Variants in SMARCB1 observed in about 807,000 individuals in gnomAD.
The protein encoded by SMARCB1 is SWI/SNF related BAF chromatin remodeling complex subunit B1, also known as SWI/SNF-related matrix-associated actin-dependent regulator of chromatin subfamily B member 1.
In SMARCB1, 5 loss-of-function variants were observed where a neutral mutation model predicts 49.0. The ratio of observed to expected loss-of-function variants is 0.10; its 90% CI spans 0.05 to 0.21. The LOEUF is 0.21. Among genes scored for constraint, SMARCB1 ranks in the 10% least tolerant of loss-of-function variants. The probability of loss-of-function intolerance (pLI) is 1.00; values close to 1 mark genes in which losing one functional copy is unlikely to be tolerated. For synonymous variants in SMARCB1, 201 were observed against 200.1 expected, an observed-to-expected ratio of 1.00 and a Z score of -0.04; for missense variants, 226 against 509.2, an observed-to-expected ratio of 0.44 and a Z score of 5.35.
At chr22:23,820,190 C>A (rs1439524345) in intron 6 of SMARCB1, among the ~76,000 whole-genome samples, 1 of 151,722 alleles carries the variant, frequency 6.6e-6, no homozygotes, top group Non-Finnish European at 1.5e-5. Context: ...CTGTAGTTTT[C>A]CTTTCTTGTA....
chr22:23,832,486 G>A (rs945926012), intron 7 of SMARCB1, among the ~76,000 whole-genome samples: 2 of 152,156 alleles, frequency 1.3e-5, no homozygotes, highest in African/African-American at 4.8e-5. Flanking sequence ...CCAGGGGACT[G>A]AGCCTAGGGA....
rs35782584 is a variant in SMARCB1, at chr22:23,801,197, C to T, written c.500+116C>T. ...TGCTTTGACCTTGTGCTCCCCACAA[C>T]GCCACAGTACCTCCTCGCCTTTGAA... On this transcript the variant is annotated intron_variant, in intron 4 of 8. Coordinates refer to ENST00000644036, the MANE Select transcript of SMARCB1 (RefSeq NM_003073.5). 2,028 of 1,396,810 alleles carry T rather than the reference C, an allele frequency of 1.5e-3. 23 individuals carry two copies. The African/African-American group carries it at 0.023, about 16-fold the overall frequency. 86.5% of individuals were successfully genotyped at this position (1,396,810 alleles called of 1,614,324 possible). A position where few individuals can be genotyped will look rare whatever the true frequency, so the allele number is the denominator to read the frequency against.
rs949785626 is a variant in SMARCB1 at position 23,834,588 on chromosome 22, G to C, written c.*408G>C. ...AGCCAGGAGTGGGGCCGGGGCCTGG[G>C]GGGACGAAGGTGGTATGTGAACAAG... is the stretch of plus-strand genomic sequence containing the variant. On this transcript the variant is annotated 3_prime_UTR_variant, in exon 9 of 9. Coordinates refer to ENST00000644036, the MANE Select transcript of SMARCB1 (RefSeq NM_003073.5). 130 of 710,390 alleles carry C rather than the reference G, an allele frequency of 1.8e-4. No individual in the cohort carries two copies. Among genetic ancestry groups the C allele is most frequent in the Non-Finnish European group, 2.3e-5 (9 of 396,642 alleles). 44.0% of individuals were successfully genotyped at this position (710,390 alleles called of 1,614,324 possible).
In SMARCB1 at chr22:23,834,354, G is replaced by A; in HGVS notation, c.*174G>A. On this transcript the variant is annotated 3_prime_UTR_variant, in exon 9 of 9. Transcript: ENST00000644036. ...TCCCGGCACACATTCCATTTGTTGA[G>A]CCCCAGTCCTGCCCCCCACCCCACC... 2.7e-6 allele frequency: 2 copies of A among 741,280 alleles called. No individual in the cohort carries two copies. The highest frequency in any genetic ancestry group is 2.7e-5 in the East Asian group (1 of 37,252). The allele number at this position is 741,280 out of a possible 1,614,324, so 45.9% of individuals were successfully genotyped here.
chr22:23,801,397 A>G (rs569352539), intron 4 of SMARCB1: 1 of 654,190 alleles, frequency 1.5e-6, no homozygotes, highest in East Asian at 3.0e-5. Context: ...AGCCAGTCTG[A>G]TGGTGCAGAT....
chr22:23,803,460 C>T (rs1242858558), intron 5 of SMARCB1, 38 bp downstream of exon 5: 3 of 1,612,448 alleles, frequency 1.9e-6, no homozygotes, highest in African/African-American at 2.7e-5. Context: ...CTGGCCCCAA[C>T]CCCTGTGTGT....
In SMARCB1 at chr22:23,828,147, G is replaced by T. The variant is rs182669634; in HGVS notation, c.986+2732G>T. 3.3e-3 allele frequency among the ~76,000 whole-genome samples: 503 copies of T among 152,254 alleles called. 1 individual carries two copies. Among genetic ancestry groups the T allele is most frequent in the African/African-American group, 0.012 (481 of 41,566 alleles). ...GGCTCACTGCAAGCTCTGCCTCCTG[G>T]GTTCACGCCATTCTCCTGCCTCAGG... On this transcript the variant is annotated intron_variant, in intron 7 of 8. Transcript: ENST00000644036.
At chr22:23,816,650 C>A in intron 5 of SMARCB1, 120 bp from the exon 6 acceptor site, 1 of 962,070 alleles carries the variant, frequency 1.0e-6, no homozygotes, top group Non-Finnish European at 1.7e-6. Flanking sequence ...CCCCCAGTGC[C>A]CTGGTTGTCC....
At position 23,834,999 on chromosome 22, in the gene SMARCB1, T is replaced by C; in HGVS notation, c.*819T>C. 1 of 1,473,520 alleles carries C rather than the reference T, an allele frequency of 6.8e-7. No homozygotes were observed. The highest frequency in any genetic ancestry group is 9.0e-7 in the Non-Finnish European group (1 of 1,114,224). The allele number at this position is 1,473,520 out of a possible 1,614,324, so 91.3% of individuals were successfully genotyped here. ...GCCAGCCTGGGTGCAGGAGGGCTGTTCTAGCTCCAGTGGCACCCATAGCCA... is the reference window on the plus strand; with the variant it reads ...GCCAGCCTGGGTGCAGGAGGGCTGTCCTAGCTCCAGTGGCACCCATAGCCA... On this transcript the variant is annotated 3_prime_UTR_variant, in exon 9 of 9. Coordinates refer to ENST00000644036, the MANE Select transcript of SMARCB1 (RefSeq NM_003073.5).
chr22:23,825,171 C>T (rs545593020), intron 6 of SMARCB1, 54 bp from the exon 7 acceptor site: 29 of 1,530,828 alleles, frequency 1.9e-5, no homozygotes, highest in South Asian at 1.1e-4. Context: ...CCGCTCCTCG[C>T]GGCCTCCCTG....
At chr22:23,833,486 G>A in intron 7 of SMARCB1, 86 bp from the exon 8 acceptor site, 1 of 1,576,712 alleles carries the variant, frequency 6.3e-7, no homozygotes, top group Non-Finnish European at 8.7e-7. Flanking sequence ...GGGAGGAGCA[G>A]GGCACAGACA....
At chr22:23,814,979 A>T (rs1326841869) in intron 5 of SMARCB1, 1 of 152,198 alleles carries the variant, frequency 6.6e-6, no homozygotes, top group Non-Finnish European at 1.5e-5. Context: ...TCAAAAAAAA[A>T]AAAAAAAGGC....
chr22:23,818,329 T>C (rs1284584987), intron 6 of SMARCB1: 1 of 151,528 alleles, frequency 6.6e-6, no homozygotes, highest in East Asian at 2.0e-4. Context: ...ATTTTTTGTA[T>C]TTTTTATAGC....
In SMARCB1 at chr22:23,837,585, GCC is replaced by G; in HGVS notation, c.*3408_*3409del. ...GAACTCCAGCAAGGATGGGAGAGGG[GCC>G]CCAGGGCATAAGCAGCGTGTCCTGA... On this transcript the variant is annotated 3_prime_UTR_variant, in exon 9 of 9. Transcript: ENST00000644036. 1 of 1,495,230 alleles carries G rather than the reference GCC, an allele frequency of 6.7e-7. No individual in the cohort carries two copies. Among genetic ancestry groups the G allele is most frequent in the Non-Finnish European group, 9.1e-7 (1 of 1,103,130 alleles). The allele number at this position is 1,495,230 out of a possible 1,614,324, so 92.6% of individuals were successfully genotyped here. A position where few individuals can be genotyped will look rare whatever the true frequency, so the allele number is the denominator to read the frequency against.
intron 5 of SMARCB1, among the ~76,000 whole-genome samples, chr22:23,810,748 G>A (rs1929822734): frequency 6.6e-6 from 1 of 151,898 alleles, no homozygotes; most frequent in Non-Finnish European, 1.5e-5. Context: ...AAGGCTTTAA[G>A]GCTGGGCATG....
chr22:23,834,791 CA>C lies in SMARCB1; in HGVS notation c.*612del. Reference sequence around the variant, plus strand: ...TCAGGGCAAGAGGCTCTCTGCCTTTCAGGAACAGCCCTAACCCTGCTCCCCT... The same window carrying C: ...TCAGGGCAAGAGGCTCTCTGCCTTTCGGAACAGCCCTAACCCTGCTCCCCT... On this transcript the variant is annotated 3_prime_UTR_variant, in exon 9 of 9. Coordinates refer to ENST00000644036, the MANE Select transcript of SMARCB1 (RefSeq NM_003073.5). 1 of 1,586,188 alleles carries C rather than the reference CA, an allele frequency of 6.3e-7. No homozygotes were observed.
At chr22:23,820,802 T>G (rs911166943) in intron 6 of SMARCB1, among the ~76,000 whole-genome samples, 1 of 152,144 alleles carries the variant, frequency 6.6e-6, no homozygotes, top group Admixed American at 6.5e-5. Flanking sequence ...ACCTGGCCTG[T>G]GTCCTGCATA....
intron 5 of SMARCB1, among the ~76,000 whole-genome samples, chr22:23,810,592 A>G (rs1568947991): frequency 6.6e-6 from 1 of 151,842 alleles, no homozygotes; most frequent in Non-Finnish European, 1.5e-5. Flanking sequence ...GACATCAGGA[A>G]GGAACAAAAG....
At chr22:23,814,125 C>T (rs1316941113) in intron 5 of SMARCB1, among the ~76,000 whole-genome samples, 4 of 152,214 alleles carry the variant, frequency 2.6e-5, no homozygotes, top group South Asian at 4.2e-4. Flanking sequence ...CCACCACACC[C>T]GGCCAGCAAT....
Sources: gnomAD v4.1 joint callset for allele counts (sites outside exome capture counted in the v4.1 genomes callset) on GRCh38, gnomAD v4.1.1 for gene constraint, MANE v1.5 for transcripts, NCBI Gene and HGNC (gene_info 2026-07-23, HGNC 2026-07-21) for gene names.